ARAP3: variants seen among roughly 807,000 people sequenced by gnomAD.
ARAP3 encodes arf-GAP with Rho-GAP domain, ANK repeat and PH domain-containing protein 3.
ARAP3 carries 82 observed loss-of-function variants against 169.2 expected under a neutral mutation model. That is an observed-to-expected ratio of 0.48 (90% CI 0.41 to 0.58). The LOEUF is 0.58. Ranked by LOEUF, ARAP3 falls within the 20% of genes least tolerant of loss-of-function variation. ARAP3 has a pLI of 0.00. For missense variants in ARAP3, 1,764 were observed against 2,018.0 expected (o/e 0.87, Z 2.41); for synonymous variants, 791 against 800.3 (o/e 0.99, Z 0.20).
Position 141,666,602 on chromosome 5 carries a change from C to T in ARAP3, c.2394G>A (p.Gly798=). 1 of 1,488,802 alleles carries T rather than the reference C, an allele frequency of 6.7e-7. No homozygotes were observed. The highest frequency in any genetic ancestry group is 1.3e-5 in the South Asian group (1 of 75,618). The allele number at this position is 1,488,802 out of a possible 1,614,324, so 92.2% of individuals were successfully genotyped here. ...PLSCHQLLGP[G]LLRLGRLWLR... is the part of the protein sequence containing the mutation. ...GCCATAGGCGGCCCAGCCGCAGCAG[C>T]CCGGGGCCCAGCAGCTGGTGGCAGC... The change falls in exon 17 of 33, where the codon GGG becomes GGA. Residue 798 remains glycine, a synonymous_variant. Coordinates refer to ENST00000239440, the MANE Select transcript of ARAP3 (RefSeq NM_022481.6).
intron 21 of ARAP3, among the ~76,000 whole-genome samples, chr5:141,661,030 ACT>A (rs913239992): frequency 1.4e-5 from 2 of 145,418 alleles, no homozygotes; most frequent in Admixed American, 6.8e-5. Context: ...ATGAATTTTA[ACT>A]CTTTTTGTTC....
At chr5:141,680,991 C>T (rs1428128516) in intron 1 of ARAP3, among the ~76,000 whole-genome samples, 1 of 152,182 alleles carries the variant, frequency 6.6e-6, no homozygotes, top group Non-Finnish European at 1.5e-5. Flanking sequence ...ACGCCCCCTC[C>T]CTCTTGTTTC....
intron 16 of ARAP3, among the ~76,000 whole-genome samples, chr5:141,667,001 C>T (rs2099910738): frequency 6.6e-6 from 1 of 152,100 alleles, no homozygotes; most frequent in Non-Finnish European, 1.5e-5. Context: ...CTCGACCTCC[C>T]CCAGCTCAGG....
chr5:141,673,180 T>A (rs2099911674), intron 6 of ARAP3, 47 bp from the exon 7 acceptor site: 1 of 1,612,152 alleles, frequency 6.2e-7, no homozygotes. Context: ...AACTGAGCCA[T>A]GTGTGCCAGC....
At chr5:141,677,790 T>C (rs1596497780) in intron 4 of ARAP3, among the ~76,000 whole-genome samples, 1 of 151,100 alleles carries the variant, frequency 6.6e-6, no homozygotes, top group African/African-American at 2.4e-5. Context: ...TTTTTTGTTT[T>C]TGTTTTTGTT....
Position 141,654,162 on chromosome 5 carries a change from G to T in ARAP3, c.4423C>A (p.Pro1475Thr), listed in dbSNP as rs769173873. The part of the protein sequence containing the change: ...PPPGPPSKSS[P>T]QARGSLEEQL... Reference sequence around the variant, plus strand: ...TCCTCTAGGGACCCCCGTGCCTGGGGACTGCTCTTTGAAGGGGGGCCTGGA... The same window carrying T: ...TCCTCTAGGGACCCCCGTGCCTGGGTACTGCTCTTTGAAGGGGGGCCTGGA... Residue 1475 changes from proline to threonine, a missense_variant, in exon 33 of 33, where the codon CCC becomes ACC. Around this residue, in one of 3 missense-constraint regions of ARAP3, gnomAD observed 1,112 missense variants for 1,285.7 expected, o/e 0.86. Coordinates refer to ENST00000239440, the MANE Select transcript of ARAP3 (RefSeq NM_022481.6). 23 of 1,613,762 alleles carry T rather than the reference G, an allele frequency of 1.4e-5. No individual in the cohort carries two copies. The highest frequency in any genetic ancestry group is 2.2e-5 in the South Asian group (2 of 91,066).
intron 19 of ARAP3, among the ~76,000 whole-genome samples, chr5:141,663,887 T>C (rs1352472500): frequency 6.6e-6 from 1 of 152,082 alleles, no homozygotes; most frequent in Non-Finnish European, 1.5e-5. Flanking sequence ...AACCCCAAGA[T>C]AACAATATAA....
intron 1 of ARAP3, chr5:141,680,861 CT>C: frequency 4.1e-6 from 1 of 246,696 alleles, no homozygotes; most frequent in Non-Finnish European, 7.8e-6. Context: ...GGACAAGATG[CT>C]AGAATGCTGT....
At chr5:141,675,533 A>G (rs1432342086) in intron 4 of ARAP3, among the ~76,000 whole-genome samples, 2 of 152,106 alleles carry the variant, frequency 1.3e-5, no homozygotes, top group South Asian at 4.1e-4. Flanking sequence ...AGCCTGGGCA[A>G]TATGGTGAAA....
At chr5:141,656,982 T>G in intron 25 of ARAP3, 136 bp from the exon 26 acceptor site, 1 of 1,270,504 alleles carries the variant, frequency 7.9e-7, no homozygotes, top group East Asian at 2.6e-5. Context: ...TGCCAGGAAC[T>G]GTGCTGGCCC....
chr5:141,673,274 G>A lies in ARAP3; in HGVS notation c.972+127C>T, dbSNP rs949326873. On this transcript the variant is annotated intron_variant, in intron 6 of 32. Transcript: ENST00000239440. ...AGCTGCTAAGCCAGCTACTTTAAAT[G>A]CTGACATCAGTCATGCAGTCACTGC... 7 of 1,553,124 alleles carry A rather than the reference G, an allele frequency of 4.5e-6. No individual in the cohort carries two copies. The African/African-American group carries it at 6.8e-5, about 15-fold the overall frequency.
In ARAP3 at chr5:141,657,611, C is replaced by T. The variant is rs187938203; in HGVS notation, c.3526+754G>A. Reference sequence around the variant, plus strand: ...CATTTTAGTGGTTACTGTTGACAGACAAAAACATAATGATGACTTCAACTA... The same window carrying T: ...CATTTTAGTGGTTACTGTTGACAGATAAAAACATAATGATGACTTCAACTA... On this transcript the variant is annotated intron_variant, in intron 25 of 32. Coordinates refer to ENST00000239440, the MANE Select transcript of ARAP3 (RefSeq NM_022481.6). Among the ~76,000 whole-genome samples the T allele has an allele frequency of 2.0e-5, 3 of 152,306 alleles. No individual in the cohort carries two copies. The East Asian group carries it at 5.8e-4, about 29-fold the overall frequency.
In ARAP3 at chr5:141,654,093, C is replaced by T. The variant is rs1238288332; in HGVS notation, c.4492G>A (p.Glu1498Lys). The change falls in exon 33 of 33, where the codon GAG becomes AAG. Residue 1498 changes from glutamate (E) to lysine (K), a missense_variant. Physicochemically the swap from Glu to Lys is moderately conservative, Grantham distance 56. Coordinates refer to ENST00000239440, the MANE Select transcript of ARAP3 (RefSeq NM_022481.6). ...GGACTTCCCAGGCCTGCAGTGGTCT[C>T]TCCTTTCCTCAGGATGAGGCTGCTG... ...ELSSLILRKG[E>K]TTAGLGSPSQ... The T allele has an allele frequency of 3.1e-6, 5 of 1,611,396 alleles. No homozygotes were observed. Among genetic ancestry groups the T allele is most frequent in the Non-Finnish European group, 4.2e-6 (5 of 1,178,532 alleles).
intron 32 of ARAP3, 118 bp downstream of exon 32, chr5:141,655,244 A>G: frequency 9.3e-7 from 1 of 1,074,480 alleles, no homozygotes; most frequent in Non-Finnish European, 1.4e-6. Flanking sequence ...ACACACACAC[A>G]CACACACACA....
chr5:141,672,409 C>T lies in ARAP3; in HGVS notation c.1386-108G>A. 1 of 1,506,892 alleles carries T rather than the reference C, an allele frequency of 6.6e-7. No individual in the cohort carries two copies. The highest frequency in any genetic ancestry group is 1.2e-5 in the South Asian group (1 of 82,784). The allele number at this position is 1,506,892 out of a possible 1,614,324, so 93.3% of individuals were successfully genotyped here. On this transcript the variant is annotated intron_variant, in intron 9 of 32. Coordinates refer to ENST00000239440, the MANE Select transcript of ARAP3 (RefSeq NM_022481.6). This position sits in a 1 kb window ranked among gnomAD's most constrained non-coding sequence, Gnocchi z 4.9. ...AGGCCACACCTGGGGCAGCCCAGACCCTTCTGACATCTTGACCTAGCTCAC... is the reference window on the plus strand; with the variant it reads ...AGGCCACACCTGGGGCAGCCCAGACTCTTCTGACATCTTGACCTAGCTCAC...
At chr5:141,662,315 G>T (rs78331060) in intron 19 of ARAP3, 60 bp from the exon 20 acceptor site, 17,187 of 1,554,918 alleles carry the variant, frequency 0.011, 133 homozygotes, top group Non-Finnish European at 0.014. Context: ...ACCCACCACG[G>T]CCCATCTGTG....
chr5:141,670,476 G>T, intron 14 of ARAP3, 36 bp downstream of exon 14: 1 of 1,590,418 alleles, frequency 6.3e-7, no homozygotes, highest in Non-Finnish European at 8.6e-7. Context: ...TCCACTTTCT[G>T]TCCCTGTATC....
At chr5:141,663,190 G>T (rs2099910194) in intron 19 of ARAP3, among the ~76,000 whole-genome samples, 1 of 152,112 alleles carries the variant, frequency 6.6e-6, no homozygotes, top group African/African-American at 2.4e-5. Context: ...GACCCACCCT[G>T]CTTACTGCCA....
rs768112333 is a variant in ARAP3, at chr5:141,669,988, C to T, written c.2183G>A (p.Ser728Asn). 3.8e-6 allele frequency: 6 copies of T among 1,598,736 alleles called. No individual in the cohort carries two copies. Among genetic ancestry groups the T allele is most frequent in the Non-Finnish European group, 5.1e-6 (6 of 1,176,090 alleles). The change falls in exon 15 of 33, where the codon AGC becomes AAC. Residue 728 changes from serine (S) to asparagine (N), a missense_variant. Physicochemically the swap from Ser to Asn is conservative, Grantham distance 46. Coordinates refer to ENST00000239440, the MANE Select transcript of ARAP3 (RefSeq NM_022481.6). ...TACAATATCCTGGGGCTGTATGAGG[C>T]TGAGGGGTTCAGGGCTGTTTTCCGA... ...FASENSPEPL[S>N]LIQPQDIVCL...
Sources: allele counts gnomAD v4.1 joint callset (sites outside exome capture counted in the v4.1 genomes callset), GRCh38; gene constraint gnomAD v4.1.1; regional missense constraint gnomAD v4.1.1; non-coding constraint Gnocchi (gnomAD v3.1); transcripts MANE v1.5; gene names NCBI Gene and HGNC (gene_info 2026-07-23, HGNC 2026-07-21).